The following TNFSF11 variants were observed in gnomAD, a reference collection of about 807,000 sequenced individuals.
TNFSF11 encodes tumor necrosis factor ligand superfamily member 11.
Under a neutral mutation model 32.2 loss-of-function variants are expected in TNFSF11, and 12 were observed. That is an observed-to-expected ratio of 0.37 (90% CI 0.24 to 0.60). The LOEUF (loss-of-function observed/expected upper bound fraction) is 0.60, where lower values mean the gene tolerates loss of function less well. Ranked by LOEUF, TNFSF11 falls within the 20% of genes least tolerant of loss-of-function variation. The pLI is 0.66. For missense variants in TNFSF11, 345 were observed against 398.0 expected, an observed-to-expected ratio of 0.87 and a Z score of 1.13; for synonymous variants, 172 against 152.1, an observed-to-expected ratio of 1.13 and a Z score of -0.96.
chr13:42,567,860 C>T (rs1176522643), intron 2 of TNFSF11, among the ~76,000 whole-genome samples: 1 of 152,232 alleles, frequency 6.6e-6, no homozygotes, highest in African/African-American at 2.4e-5. Context: ...AGGGTTTCTT[C>T]TCCCTCTTTC....
intron 4 of TNFSF11, among the ~76,000 whole-genome samples, chr13:42,603,320 G>A (rs188390586): frequency 3.9e-5 from 6 of 152,238 alleles, no homozygotes; most frequent in African/African-American, 1.4e-4. Context: ...CCTCTTCTGC[G>A]GTACTTAGCA....
rs141067979 is a variant in TNFSF11 at position 42,566,983 on chromosome 13, C to T, written c.-160+221C>T. Among the ~76,000 whole-genome samples the T allele has an allele frequency of 1.9e-3, 272 of 142,426 alleles. 1 individual carries two copies. Among genetic ancestry groups the T allele is most frequent in the African/African-American group, 7.1e-3 (262 of 37,138 alleles). 93.4% of individuals were successfully genotyped at this position (142,426 alleles called of 152,430 possible). Reference sequence around the variant, plus strand: ...CTCTAGCCTTGGTGACAGAGAAGGACTCTGTCTCAAAAAATAAATAAATAA... The same window carrying T: ...CTCTAGCCTTGGTGACAGAGAAGGATTCTGTCTCAAAAAATAAATAAATAA... On this transcript the variant is annotated intron_variant, in intron 2 of 6. Coordinates refer to the TNFSF11 transcript ENST00000358545.
intron 4 of TNFSF11, 60 bp downstream of exon 4, chr13:42,601,041 C>T: frequency 6.3e-7 from 1 of 1,581,202 alleles, no homozygotes; most frequent in Non-Finnish European, 8.7e-7. Flanking sequence ...CAGCCCATTT[C>T]AATACTGAAA....
Position 42,600,761 on chromosome 13 carries a change from C to T in TNFSF11, c.397C>T (p.His133Tyr). Residue 133 changes from histidine to tyrosine, a missense_variant, in exon 3 of 5, where the codon CAT (histidine) becomes TAT (tyrosine). Transcript: ENST00000398795. The stretch of plus-strand genomic sequence containing the variant: ...TTCCTTTTTATTTCAGGAATTACAA[C>T]ATATCGTTGGATCACAGCACATCAG... ...FQGAVQKELQ[H>Y]IVGSQHIRAE... is the part of the protein sequence containing the mutation. 6.2e-7 allele frequency: 1 copy of T among 1,613,892 alleles called. No homozygotes were observed. Among genetic ancestry groups the T allele is most frequent in the Non-Finnish European group, 8.5e-7 (1 of 1,179,896 alleles).
intron 2 of TNFSF11, among the ~76,000 whole-genome samples, chr13:42,567,733 G>A (rs1872918737): frequency 6.6e-6 from 1 of 152,202 alleles, no homozygotes; most frequent in Non-Finnish European, 1.5e-5. Context: ...AAGACTGACA[G>A]AATAGACTGT....
intron 2 of TNFSF11, among the ~76,000 whole-genome samples, chr13:42,599,648 T>TC (rs987137571): frequency 6.6e-6 from 1 of 152,086 alleles, no homozygotes; most frequent in African/African-American, 2.4e-5. Context: ...CACTACAACC[T>TC]CCCCCGCAAC....
rs1350102767 is a variant in TNFSF11 at position 42,607,759 on chromosome 13, G to A, written c.*841G>A. On this transcript the variant is annotated 3_prime_UTR_variant, in exon 5 of 5. Coordinates refer to ENST00000398795, the MANE Select transcript of TNFSF11 (RefSeq NM_003701.4). ...AGAAACTAATTGACTTTAGAAAGCT[G>A]ACATTGCCAAAAAGGATACATAATG... 1 of 152,636 alleles carries A rather than the reference G, an allele frequency of 6.6e-6. No homozygotes were observed. The allele number at this position is 152,636 out of a possible 1,614,324, so 9.5% of individuals were successfully genotyped here. A position where few individuals can be genotyped will look rare whatever the true frequency, so the allele number is the denominator to read the frequency against.
At chr13:42,581,352 A>G in intron 2 of TNFSF11, 59 bp downstream of exon 2, 1 of 1,588,806 alleles carries the variant, frequency 6.3e-7, no homozygotes. Flanking sequence ...CAATACTGAA[A>G]ATTAAAACTG....
At chr13:42,569,721 G>A (rs560674311), upstream of TNFSF11, among the ~76,000 whole-genome samples, 10 of 152,176 alleles carry the variant, frequency 6.6e-5, no homozygotes, top group South Asian at 8.3e-4. Flanking sequence ...GATCCTCTCC[G>A]GAGTTCAGCA....
At position 42,574,267 on chromosome 13, in the gene TNFSF11, G is replaced by C. The variant is rs200072190; in HGVS notation, c.-37G>C. On this transcript the variant is annotated 5_prime_UTR_variant, in exon 1 of 5. Transcript: ENST00000398795. Reference sequence around the variant, plus strand: ...CAGACAAGAAGGGGAGGGAGCGGGAGAGGGAGGAGAGCTCCGAAGCGAGAG... The same window carrying C: ...CAGACAAGAAGGGGAGGGAGCGGGACAGGGAGGAGAGCTCCGAAGCGAGAG... 5.8e-6 allele frequency: 9 copies of C among 1,543,954 alleles called. No individual in the cohort carries two copies. The African/African-American group carries it at 1.1e-4, about 19-fold the overall frequency.
upstream of TNFSF11, among the ~76,000 whole-genome samples, chr13:42,570,967 G>T (rs980005086): frequency 6.6e-6 from 1 of 152,056 alleles, no homozygotes; most frequent in African/African-American, 2.4e-5. Context: ...GGTTTTGTTA[G>T]TGATTTGTGT....
chr13:42,598,614 C>T (rs2137898909), intron 2 of TNFSF11, among the ~76,000 whole-genome samples: 1 of 152,250 alleles, frequency 6.6e-6, no homozygotes, highest in African/African-American at 2.4e-5. Context: ...CCTGCTGCAG[C>T]AAGAAAAATG....
chr13:42,587,122 A>G (rs899278747), intron 2 of TNFSF11, among the ~76,000 whole-genome samples: 3 of 152,222 alleles, frequency 2.0e-5, no homozygotes, highest in Non-Finnish European at 4.4e-5. Flanking sequence ...CTCTGTCCTC[A>G]GCATGAACCT....
At chr13:42,599,372 C>CTATCTATCTATCTATCTATT (rs1555310750) in intron 2 of TNFSF11, among the ~76,000 whole-genome samples, 309 of 151,008 alleles carry the variant, frequency 2.0e-3, no homozygotes, top group Non-Finnish European at 3.3e-3. Context: ...ATCTATCTAT[C>CTATCTATCTATCTATCTATT]TATCTATCTA....
intron 1 of TNFSF11, among the ~76,000 whole-genome samples, chr13:42,564,708 A>G (rs1052194680): frequency 6.6e-6 from 1 of 152,186 alleles, no homozygotes; most frequent in African/African-American, 2.4e-5. Flanking sequence ...TGAAAATTGT[A>G]TACCAAGCAT....
chr13:42,565,724 C>G (rs1244093953), intron 1 of TNFSF11, among the ~76,000 whole-genome samples: 1 of 148,222 alleles, frequency 6.7e-6, no homozygotes, highest in East Asian at 1.9e-4. Context: ...TGGACTTTAT[C>G]TTAAGTGTTG....
chr13:42,601,688 C>G (rs142529824), intron 4 of TNFSF11, among the ~76,000 whole-genome samples: 5 of 152,242 alleles, frequency 3.3e-5, no homozygotes, highest in South Asian at 4.1e-4. Context: ...ATCATCATGC[C>G]ACTAATGGAA....
intron 4 of TNFSF11, among the ~76,000 whole-genome samples, chr13:42,601,416 A>T (rs1869167642): frequency 6.6e-6 from 1 of 152,182 alleles, no homozygotes; most frequent in South Asian, 2.1e-4. Context: ...TAAGATCTTT[A>T]AGAGACAGTA....
chr13:42,604,586 A>G (rs1207748284), intron 4 of TNFSF11, among the ~76,000 whole-genome samples: 1 of 152,152 alleles, frequency 6.6e-6, no homozygotes, highest in Non-Finnish European at 1.5e-5. Flanking sequence ...CAAGTGGTTG[A>G]AAGAACTGCC....
Sources: gnomAD v4.1 joint callset for allele counts (sites outside exome capture counted in the v4.1 genomes callset) on GRCh38, gnomAD v4.1.1 for gene constraint, MANE v1.5 for transcripts, NCBI Gene and HGNC (gene_info 2026-07-23, HGNC 2026-07-21) for gene names.